CNTNAP2: variants seen among roughly 807,000 people sequenced by gnomAD.
The protein encoded by CNTNAP2 is contactin associated protein 2, also known as contactin-associated protein-like 2.
Under a neutral mutation model 155.2 loss-of-function variants are expected in CNTNAP2, and 98 were observed. That is an observed-to-expected ratio of 0.63 (90% CI 0.54 to 0.75). The LOEUF (loss-of-function observed/expected upper bound fraction) is 0.75, where lower values mean the gene tolerates loss of function less well. CNTNAP2 is among the 30% of genes least tolerant of loss of function. The probability of loss-of-function intolerance (pLI) is 0.00; values close to 1 mark genes in which losing one functional copy is unlikely to be tolerated. For missense variants in CNTNAP2, 1,727 were observed against 1,688.1 expected (o/e 1.02, Z -0.40); for synonymous variants, 651 against 631.2 (o/e 1.03, Z -0.47).
intron 1 of CNTNAP2, among the ~76,000 whole-genome samples, chr7:146,508,830 G>T (rs931616860): frequency 3.9e-5 from 6 of 152,274 alleles, no homozygotes; most frequent in African/African-American, 1.4e-4. Flanking sequence ...TTGCCTCTCA[G>T]TTTTCTCTCG....
At chr7:146,977,055 G>A (rs1797925749) in intron 3 of CNTNAP2, among the ~76,000 whole-genome samples, 1 of 152,108 alleles carries the variant, frequency 6.6e-6, no homozygotes, top group African/African-American at 2.4e-5. Flanking sequence ...TCTGAGGTTT[G>A]CTCCTGAGGT....
chr7:146,824,307 A>C (rs1585108726), intron 2 of CNTNAP2, among the ~76,000 whole-genome samples: 1 of 152,104 alleles, frequency 6.6e-6, no homozygotes, highest in Non-Finnish European at 1.5e-5. Flanking sequence ...TTTGGGTTGG[A>C]TCCAAGTCTT....
chr7:146,200,905 C>T (rs6464735), intron 1 of CNTNAP2, among the ~76,000 whole-genome samples: 144,751 of 152,210 alleles, frequency 0.95, 68,932 homozygotes, highest in East Asian at 1. Flanking sequence ...CCAAAAGAGA[C>T]GTTGCAGGGT....
rs13242436 is a variant in CNTNAP2 at position 146,751,347 on chromosome 7, T to C, written c.98-22924T>C. ...AATAGCATATAATTACATATCACTA[T>C]AAAGAGCACATTGTAAGTTATTTAC... is the stretch of plus-strand genomic sequence containing the variant. On this transcript the variant is annotated intron_variant, in intron 1 of 23. Coordinates refer to ENST00000361727, the MANE Select transcript of CNTNAP2 (RefSeq NM_014141.6). 8.5e-3 allele frequency among the ~76,000 whole-genome samples: 1,302 copies of C among 152,286 alleles called. 10 individuals carry two copies. The highest frequency in any genetic ancestry group is 0.015 in the Non-Finnish European group (1,002 of 68,018).
intron 13 of CNTNAP2, among the ~76,000 whole-genome samples, chr7:147,646,919 A>G (rs1336111222): frequency 6.6e-6 from 1 of 152,202 alleles, no homozygotes; most frequent in Non-Finnish European, 1.5e-5. Flanking sequence ...AAAGAAAAGA[A>G]CGCAGAAGAA....
intron 1 of CNTNAP2, among the ~76,000 whole-genome samples, chr7:146,748,720 G>A: frequency 6.6e-6 from 1 of 152,096 alleles, no homozygotes; most frequent in Non-Finnish European, 1.5e-5. Flanking sequence ...TCAACAAGGA[G>A]TTCTTAAAAT....
At chr7:147,004,895 G>T (rs1176802832) in intron 3 of CNTNAP2, among the ~76,000 whole-genome samples, 1 of 151,962 alleles carries the variant, frequency 6.6e-6, no homozygotes, top group African/African-American at 2.4e-5. Flanking sequence ...TGTTGAGTAA[G>T]AAGTAAAAAC....
intron 16 of CNTNAP2, among the ~76,000 whole-genome samples, chr7:148,144,133 G>T (rs1179560083): frequency 6.6e-5 from 10 of 152,204 alleles, no homozygotes; most frequent in Admixed American, 6.5e-4. Flanking sequence ...ACTTTTGCCT[G>T]CCTTCTGAGC....
At chr7:147,378,602 G>A (rs2116927588) in intron 9 of CNTNAP2, among the ~76,000 whole-genome samples, 1 of 152,138 alleles carries the variant, frequency 6.6e-6, no homozygotes, top group African/African-American at 2.4e-5. Flanking sequence ...ATCAAAGGCT[G>A]GGAAGGATAG....
At chr7:146,284,905 G>A (rs936274151) in intron 1 of CNTNAP2, among the ~76,000 whole-genome samples, 15 of 152,124 alleles carry the variant, frequency 9.9e-5, no homozygotes, top group African/African-American at 3.1e-4. Context: ...CCTCCCACAG[G>A]CTATGACTAT....
At chr7:146,557,521 A>G (rs564960525) in intron 1 of CNTNAP2, among the ~76,000 whole-genome samples, 5 of 152,188 alleles carry the variant, frequency 3.3e-5, no homozygotes, top group African/African-American at 7.2e-5. Flanking sequence ...GGTAAAATGT[A>G]TAGAATTAAA....
chr7:146,162,096 G>A (rs1798232405), intron 1 of CNTNAP2, among the ~76,000 whole-genome samples: 1 of 152,182 alleles, frequency 6.6e-6, no homozygotes, highest in African/African-American at 2.4e-5. Flanking sequence ...CAGGACATAG[G>A]CATGGGCAAG....
intron 13 of CNTNAP2, among the ~76,000 whole-genome samples, chr7:147,729,427 C>T (rs893482715): frequency 8.6e-4 from 19 of 22,160 alleles, no homozygotes; most frequent in Admixed American, 1.7e-3. Context: ...CACACACACA[C>T]GCACACACAC....
rs149054741 is a variant in CNTNAP2 at position 147,519,023 on chromosome 7, C to CAAA, written c.1777+33003_1777+33005dup. Among the ~76,000 whole-genome samples, 483 of 102,250 alleles carry CAAA rather than the reference C, an allele frequency of 4.7e-3. 2 individuals are homozygous for CAAA. The highest frequency in any genetic ancestry group is 0.015 in the African/African-American group (393 of 26,996). 67.1% of individuals were successfully genotyped at this position (102,250 alleles called of 152,430 possible). On this transcript the variant is annotated intron_variant, in intron 11 of 23. Coordinates refer to ENST00000361727, the MANE Select transcript of CNTNAP2 (RefSeq NM_014141.6). ...TCCAGCCTGGCGACAGACTCTGTCT[C>CAAA]AAAAAAAAAAAAAAAAAAAAAAATT... is the stretch of plus-strand genomic sequence containing the variant.
rs1313141476 is a variant in CNTNAP2, at chr7:147,415,101, A to G, written c.1670+19321A>G. Among the ~76,000 whole-genome samples, 3 of 152,034 alleles carry G rather than the reference A, an allele frequency of 2.0e-5. No homozygotes were observed. The East Asian group carries it at 5.8e-4, about 29-fold the overall frequency. On this transcript the variant is annotated intron_variant, in intron 10 of 23. Transcript: ENST00000361727. ...AGACTCCCCTCAGCCATACAGAATA[A>G]TCCCTAAAGCCCTACACCTTTGTAT...
At chr7:147,723,838 A>G (rs1279899438) in intron 13 of CNTNAP2, among the ~76,000 whole-genome samples, 2 of 151,990 alleles carry the variant, frequency 1.3e-5, no homozygotes, top group Admixed American at 1.3e-4. Context: ...AAGTCAGGGT[A>G]TTTAGCAAAC....
intron 22 of CNTNAP2, among the ~76,000 whole-genome samples, chr7:148,392,851 G>C (rs1411786431): frequency 1.3e-5 from 2 of 152,106 alleles, no homozygotes; most frequent in African/African-American, 4.8e-5. Flanking sequence ...CTTGGCACTT[G>C]GGATCACTCA....
At position 147,609,098 on chromosome 7, in the gene CNTNAP2, C is replaced by T. The variant is rs563995358; in HGVS notation, c.1898-30008C>T. On this transcript the variant is annotated intron_variant, in intron 12 of 23. Coordinates refer to ENST00000361727, the MANE Select transcript of CNTNAP2 (RefSeq NM_014141.6). ...GCTTAGCTTGTGCTCAGAGGCCTGA[C>T]AGGCATAATATTTATTGAACTTCTG... is the stretch of plus-strand genomic sequence containing the variant. 5.9e-5 allele frequency among the ~76,000 whole-genome samples: 9 copies of T among 152,270 alleles called. No individual in the cohort carries two copies. The South Asian group carries it at 1.9e-3, about 32-fold the overall frequency.
At chr7:147,526,357 A>T (rs1308592881) in intron 11 of CNTNAP2, among the ~76,000 whole-genome samples, 1 of 152,188 alleles carries the variant, frequency 6.6e-6, no homozygotes, top group African/African-American at 2.4e-5. Flanking sequence ...GAAGAAAATT[A>T]AGCAGTTTCT....
Sources: allele counts gnomAD v4.1 joint callset (sites outside exome capture counted in the v4.1 genomes callset), GRCh38; gene constraint gnomAD v4.1.1; transcripts MANE v1.5; gene names NCBI Gene and HGNC (gene_info 2026-07-23, HGNC 2026-07-21).